The following TENM3 variants were observed in gnomAD, a reference collection of about 807,000 sequenced individuals.
TENM3 encodes teneurin-3.
Under a neutral mutation model 255.1 loss-of-function variants are expected in TENM3, and 63 were observed. The observed-to-expected ratio is 0.25, with a 90% CI of 0.20 to 0.30. TENM3 has a LOEUF of 0.30. TENM3 is among the 10% of genes least tolerant of loss of function. TENM3 has a pLI of 1.00. For synonymous variants in TENM3, 1,306 were observed against 1,322.3 expected (o/e 0.99, Z 0.27); for missense variants, 2,929 against 3,461.1 (o/e 0.85, Z 3.86).
chr4:181,624,474 C>A, the TENM3 span, among the ~76,000 whole-genome samples: 1 of 152,192 alleles, frequency 6.6e-6, no homozygotes, highest in Non-Finnish European at 1.5e-5. Flanking sequence ...ATGACTGCAA[C>A]AATAACTGAC....
chr4:181,599,643 A>G, the TENM3 span, among the ~76,000 whole-genome samples: 3 of 152,136 alleles, frequency 2.0e-5, no homozygotes, highest in African/African-American at 7.2e-5. Context: ...CTCTGTGCTT[A>G]TTCTATCTGG....
chr4:182,652,276 T>G (rs1753375767), intron 5 of TENM3, among the ~76,000 whole-genome samples: 1 of 152,056 alleles, frequency 6.6e-6, no homozygotes, highest in African/African-American at 2.4e-5. Context: ...CCAGTCAGGG[T>G]ATGAGGGATG....
At chr4:182,602,273 G>C (rs917807150) in intron 4 of TENM3, among the ~76,000 whole-genome samples, 1 of 152,202 alleles carries the variant, frequency 6.6e-6, no homozygotes, top group Non-Finnish European at 1.5e-5. Context: ...GAGAAAAAGA[G>C]TTATCACCAT....
the TENM3 span, among the ~76,000 whole-genome samples, chr4:181,455,462 T>C: frequency 2.0e-5 from 3 of 152,168 alleles, no homozygotes; most frequent in Admixed American, 6.6e-5. Flanking sequence ...TTATAAAACA[T>C]GAACTCCTCT....
intron 3 of TENM3, among the ~76,000 whole-genome samples, chr4:182,552,829 T>G (rs1179780004): frequency 6.6e-6 from 1 of 152,200 alleles, no homozygotes; most frequent in Non-Finnish European, 1.5e-5. Flanking sequence ...CTGACATTTT[T>G]AAAGGGTATT....
chr4:182,675,553 A>G (rs1215393304), intron 7 of TENM3, among the ~76,000 whole-genome samples: 1 of 152,162 alleles, frequency 6.6e-6, no homozygotes, highest in East Asian at 1.9e-4. Flanking sequence ...GGAGAAAAAA[A>G]AAAAAAGCAG....
chr4:181,511,657 TA>T, the TENM3 span, among the ~76,000 whole-genome samples: 1 of 152,148 alleles, frequency 6.6e-6, no homozygotes. Context: ...TTTACATGCT[TA>T]TTTACTTGCC....
At chr4:182,696,035 G>A (rs1043991155) in intron 12 of TENM3, among the ~76,000 whole-genome samples, 1 of 152,128 alleles carries the variant, frequency 6.6e-6, no homozygotes, top group African/African-American at 2.4e-5. Flanking sequence ...TCTTGTTTAT[G>A]TGACGTCAAA....
chr4:181,744,006 G>A, the TENM3 span, among the ~76,000 whole-genome samples: 3 of 151,982 alleles, frequency 2.0e-5, no homozygotes, highest in Non-Finnish European at 4.4e-5. Flanking sequence ...CCCAATGTCT[G>A]TTGTTCCCTG....
At chr4:182,075,203 T>TC in the TENM3 span, among the ~76,000 whole-genome samples, 1 of 146,076 alleles carries the variant, frequency 6.8e-6, no homozygotes, top group Admixed American at 6.8e-5. Context: ...TTTTTTTCTT[T>TC]TTTTTTTTTT....
At chr4:182,662,573 G>C (rs1276525901) in intron 6 of TENM3, among the ~76,000 whole-genome samples, 1 of 152,080 alleles carries the variant, frequency 6.6e-6, no homozygotes, top group Non-Finnish European at 1.5e-5. Flanking sequence ...TGTTTCCTAT[G>C]ATCATTCCCA....
intron 1 of TENM3, among the ~76,000 whole-genome samples, chr4:182,286,682 C>T (rs1760747728): frequency 6.6e-6 from 1 of 152,166 alleles, no homozygotes; most frequent in African/African-American, 2.4e-5. Flanking sequence ...TTGTCCTCAG[C>T]TTTGGTCCCT....
chr4:182,269,715 A>G (rs921086684), intron 1 of TENM3, among the ~76,000 whole-genome samples: 4 of 152,160 alleles, frequency 2.6e-5, no homozygotes, highest in African/African-American at 4.8e-5. Flanking sequence ...ACACCCAGTT[A>G]TCGTAATTAA....
At chr4:182,022,128 A>G in the TENM3 span, among the ~76,000 whole-genome samples, 1 of 151,728 alleles carries the variant, frequency 6.6e-6, no homozygotes, top group East Asian at 1.9e-4. Flanking sequence ...ACAATAAGAA[A>G]ATCATGGAAT....
intron 3 of TENM3, among the ~76,000 whole-genome samples, chr4:182,486,756 T>A (rs991946604): frequency 1.1e-4 from 17 of 152,130 alleles, no homozygotes; most frequent in Admixed American, 1.0e-3. Flanking sequence ...GTGATCCAGT[T>A]GTGGTCCAGA....
At chr4:182,512,399 G>A (rs947545388) in intron 3 of TENM3, among the ~76,000 whole-genome samples, 5 of 152,150 alleles carry the variant, frequency 3.3e-5, no homozygotes, top group Admixed American at 2.6e-4. Flanking sequence ...TTGAACACCA[G>A]CATTAGACTA....
chr4:182,727,386 G>T (rs1054408322), intron 13 of TENM3, among the ~76,000 whole-genome samples: 1 of 150,394 alleles, frequency 6.6e-6, no homozygotes, highest in Non-Finnish European at 1.5e-5. Flanking sequence ...AACCAGTTAG[G>T]CGGAGGTTGC....
At chr4:182,504,988 A>G (rs1353655971) in intron 3 of TENM3, among the ~76,000 whole-genome samples, 1 of 152,140 alleles carries the variant, frequency 6.6e-6, no homozygotes, top group African/African-American at 2.4e-5. Flanking sequence ...CCTGTTTTTC[A>G]TATGGGAGAT....
At chr4:182,641,060 C>T (rs532102349) in intron 5 of TENM3, among the ~76,000 whole-genome samples, 77 of 152,270 alleles carry the variant, frequency 5.1e-4, no homozygotes, top group Admixed American at 1.9e-3. Flanking sequence ...CACAGCCAGC[C>T]GAACTTGATA....
Sources: gnomAD v4.1 joint callset for allele counts (sites outside exome capture counted in the v4.1 genomes callset) on GRCh38, gnomAD v4.1.1 for gene constraint, MANE v1.5 for transcripts, NCBI Gene and HGNC (gene_info 2026-07-23, HGNC 2026-07-21) for gene names.